The following PRDM11 variants were observed in gnomAD, a reference collection of about 807,000 sequenced individuals.
PRDM11 encodes the protein PR/SET domain 11.
PRDM11 carries 20 observed loss-of-function variants against 97.8 expected under a neutral mutation model. The observed-to-expected ratio is 0.20, with a 90% CI of 0.14 to 0.30. The LOEUF (loss-of-function observed/expected upper bound fraction) is 0.30. Ranked by LOEUF, PRDM11 falls within the 10% of genes least tolerant of loss-of-function variation. PRDM11 has a pLI of 1.00. For missense variants in PRDM11, 1,139 were observed against 1,555.2 expected (o/e 0.73, Z 4.50); for synonymous variants, 599 against 637.7 (o/e 0.94, Z 0.91).
At chr11:45,101,565 A>AG (rs1314451387) in intron 1 of PRDM11, among the ~76,000 whole-genome samples, 20 of 140,604 alleles carry the variant, frequency 1.4e-4, no homozygotes, top group African/African-American at 4.9e-4. Context: ...CAAAAAAAAA[A>AG]AAAAGAAGAA....
chr11:45,175,572 G>T (rs1257211237), intron 1 of PRDM11, among the ~76,000 whole-genome samples: 1 of 152,172 alleles, frequency 6.6e-6, no homozygotes, highest in Non-Finnish European at 1.5e-5. Context: ...CATTTTGGAG[G>T]TTTAAATTCT....
chr11:45,203,645 G>T (rs1853409536), intron 4 of PRDM11, among the ~76,000 whole-genome samples: 1 of 144,184 alleles, frequency 6.9e-6, no homozygotes, highest in African/African-American at 2.5e-5. Context: ...TTTTGAGATG[G>T]AGTCTTGCTG....
In PRDM11 at chr11:45,231,107, T is replaced by C. The variant is rs1396495328; in HGVS notation, c.*2948T>C. 2 of 152,210 alleles carry C rather than the reference T, an allele frequency of 1.3e-5. No individual in the cohort carries two copies. Among genetic ancestry groups the C allele is most frequent in the African/African-American group, 4.8e-5 (2 of 41,454 alleles). The allele number at this position is 152,210 out of a possible 1,614,324, so 9.4% of individuals were successfully genotyped here. A position where few individuals can be genotyped will look rare whatever the true frequency, so the allele number is the denominator to read the frequency against. On this transcript the variant is annotated 3_prime_UTR_variant, in exon 8 of 8. Transcript: ENST00000683152. ...CTGGGTGCTTGTGGCTTCTGCTGAA[T>C]TTAGCCATGCCAGGGCTGTGGCAGA...
chr11:45,211,717 C>A (rs573991919), intron 5 of PRDM11, among the ~76,000 whole-genome samples: 3 of 152,128 alleles, frequency 2.0e-5, no homozygotes, highest in East Asian at 3.9e-4. Context: ...TCCCTCACCC[C>A]CTTCCCACTC....
intron 1 of PRDM11, among the ~76,000 whole-genome samples, chr11:45,131,623 A>G (rs1394974146): frequency 6.6e-6 from 1 of 152,244 alleles, no homozygotes; most frequent in African/African-American, 2.4e-5. Context: ...ATGTCTCACA[A>G]CATGTTGAAT....
chr11:45,203,152 G>A (rs1050582072), intron 4 of PRDM11, among the ~76,000 whole-genome samples: 1 of 152,148 alleles, frequency 6.6e-6, no homozygotes, highest in African/African-American at 2.4e-5. Context: ...GTCTAGGCAT[G>A]GTGACTATCC....
intron 1 of PRDM11, among the ~76,000 whole-genome samples, chr11:45,134,857 TTAA>T (rs1852806248): frequency 6.6e-6 from 1 of 152,106 alleles, no homozygotes; most frequent in African/African-American, 2.4e-5. Flanking sequence ...CAAAGATGAC[TTAA>T]TAATTATCAA....
chr11:45,140,401 A>T (rs1414130540), intron 1 of PRDM11, among the ~76,000 whole-genome samples: 3 of 152,158 alleles, frequency 2.0e-5, no homozygotes, highest in Non-Finnish European at 4.4e-5. Context: ...CCTGGCCCAG[A>T]TCTCTATTCT....
At chr11:45,212,494 G>T in intron 5 of PRDM11, 1 of 429,320 alleles carries the variant, frequency 2.3e-6, no homozygotes, top group South Asian at 1.7e-5. Context: ...AGGCGCCTGG[G>T]CCCTCAAGGC....
At chr11:45,113,788 TTGTGTGTGTGTGTGTG>T (rs142584346) in intron 1 of PRDM11, among the ~76,000 whole-genome samples, 8 of 137,202 alleles carry the variant, frequency 5.8e-5, no homozygotes, top group African/African-American at 1.6e-4. Context: ...TGCTACTGAT[TTGTGTGTGTGTGTGTG>T]TGTGTGTGTG....
rs142439774 is a variant in PRDM11, at chr11:45,176,131, C to T, written c.-6-5630C>T. 3.8e-4 allele frequency among the ~76,000 whole-genome samples: 58 copies of T among 152,184 alleles called. No homozygotes were observed. The East Asian group carries it at 9.5e-3, about 25-fold the overall frequency. On this transcript the variant is annotated intron_variant, in intron 1 of 7. Coordinates refer to ENST00000683152, the MANE Select transcript of PRDM11 (RefSeq NM_001384648.1). ...GTGTGGTAGCTCATGCCTGTAATCC[C>T]AGCACGGATCCCAGGGCAGATCACC...
At chr11:45,176,076 C>T (rs184293514) in intron 1 of PRDM11, among the ~76,000 whole-genome samples, 271 of 152,086 alleles carry the variant, frequency 1.8e-3, no homozygotes, top group Non-Finnish European at 3.1e-3. Flanking sequence ...TGTAAAGGCC[C>T]TCTTCTAATG....
intron 1 of PRDM11, among the ~76,000 whole-genome samples, chr11:45,134,478 T>C (rs912950725): frequency 6.6e-6 from 1 of 151,994 alleles, no homozygotes; most frequent in African/African-American, 2.4e-5. Context: ...GGTGGGCAGA[T>C]CGCTTGACTC....
chr11:45,129,471 G>T (rs1021389119), intron 1 of PRDM11, among the ~76,000 whole-genome samples: 1 of 152,084 alleles, frequency 6.6e-6, no homozygotes, highest in African/African-American at 2.4e-5. Context: ...TGACTTTTCA[G>T]AAATCAATTG....
chr11:45,162,169 G>A (rs955754217), intron 1 of PRDM11, among the ~76,000 whole-genome samples: 2 of 152,152 alleles, frequency 1.3e-5, no homozygotes, highest in Non-Finnish European at 2.9e-5. Context: ...GGACCCTCTG[G>A]GTACCTAGAG....
intron 4 of PRDM11, among the ~76,000 whole-genome samples, chr11:45,197,830 T>C (rs902890888): frequency 6.6e-6 from 1 of 151,984 alleles, no homozygotes; most frequent in Non-Finnish European, 1.5e-5. Context: ...ATGAGAACAC[T>C]TGGACACGGG....
Position 45,096,581 on chromosome 11 carries a change from C to T in PRDM11, c.96+680C>T, listed in dbSNP as rs542670478. On this transcript the variant is annotated intron_variant, in intron 1 of 6. Transcript: ENST00000530656. ...TTTTCATTATTCTGGCCAGGCTCTC[C>T]GAAGATAAAAGACATCCTCAGATGT... Among the ~76,000 whole-genome samples the T allele has an allele frequency of 3.1e-4, 47 of 152,186 alleles. No individual in the cohort carries two copies. The South Asian group carries it at 8.3e-3, about 27-fold the overall frequency.
chr11:45,211,157 C>A (rs1389031692), intron 5 of PRDM11, among the ~76,000 whole-genome samples: 1 of 152,200 alleles, frequency 6.6e-6, no homozygotes, highest in African/African-American at 2.4e-5. Flanking sequence ...GGGTCTCACT[C>A]CTTCCAACAC....
At chr11:45,106,289 C>T (rs1852060635) in intron 1 of PRDM11, among the ~76,000 whole-genome samples, 1 of 152,142 alleles carries the variant, frequency 6.6e-6, no homozygotes, top group African/African-American at 2.4e-5. Context: ...AAGGTGCAGG[C>T]TCCCTCGCAA....
Sources: gnomAD v4.1 joint callset for allele counts (sites outside exome capture counted in the v4.1 genomes callset) on GRCh38, gnomAD v4.1.1 for gene constraint, MANE v1.5 for transcripts, NCBI Gene and HGNC (gene_info 2026-07-23, HGNC 2026-07-21) for gene names.